Variants in ZDHHC20 observed in about 807,000 individuals in gnomAD.
ZDHHC20 encodes palmitoyltransferase ZDHHC20.
ZDHHC20 carries 43 observed loss-of-function variants against 57.8 expected under a neutral mutation model. That is an observed-to-expected ratio of 0.74 (90% CI 0.58 to 0.96). ZDHHC20 has a LOEUF of 0.96. ZDHHC20 is among the 40% of genes least tolerant of loss of function. ZDHHC20 has a pLI of 0.00. For missense variants in ZDHHC20, 391 were observed against 441.1 expected (o/e 0.89, Z 1.02); for synonymous variants, 157 against 153.0 (o/e 1.03, Z -0.19).
chr13:21,382,834 G>T, intron 10 of ZDHHC20, 86 bp downstream of exon 10: 1 of 1,115,806 alleles, frequency 9.0e-7, no homozygotes, highest in Non-Finnish European at 1.3e-6. Flanking sequence ...AATCACTACT[G>T]TATTTACTCA....
intron 12 of ZDHHC20, 100 bp from the exon 13 acceptor site, chr13:21,376,755 T>C (rs1356343434): frequency 6.0e-6 from 4 of 672,100 alleles, no homozygotes; most frequent in East Asian, 3.3e-5. Flanking sequence ...GCTACTAATA[T>C]AACAAGATGG....
intron 3 of ZDHHC20, among the ~76,000 whole-genome samples, chr13:21,418,416 T>C (rs759475909): frequency 4.6e-5 from 7 of 152,204 alleles, no homozygotes; most frequent in Non-Finnish European, 1.0e-4. Flanking sequence ...ATGGTACTTA[T>C]TAGGTGCTAA....
chr13:21,395,636 G>A (rs1876659284), intron 7 of ZDHHC20, among the ~76,000 whole-genome samples: 2 of 151,410 alleles, frequency 1.3e-5, no homozygotes, highest in African/African-American at 4.9e-5. Context: ...CAAGTAGCTG[G>A]GACTACAGGT....
intron 1 of ZDHHC20, among the ~76,000 whole-genome samples, chr13:21,444,128 C>G (rs773314788): frequency 6.6e-6 from 1 of 152,128 alleles, no homozygotes; most frequent in Non-Finnish European, 1.5e-5. Flanking sequence ...TGCACTCTAC[C>G]CTGGGCAACA....
chr13:21,428,876 A>G (rs7489440), intron 1 of ZDHHC20, among the ~76,000 whole-genome samples: 1 of 138,794 alleles, frequency 7.2e-6, no homozygotes, highest in African/African-American at 3.2e-5. Flanking sequence ...ACAAAATAAA[A>G]CAAAACAAAA....
At chr13:21,420,954 G>A in intron 3 of ZDHHC20, 107 bp downstream of exon 3, 1 of 839,944 alleles carries the variant, frequency 1.2e-6, no homozygotes, top group Non-Finnish European at 1.9e-6. Flanking sequence ...TTTTATGAAT[G>A]GAAACAGAAC....
intron 1 of ZDHHC20, among the ~76,000 whole-genome samples, chr13:21,440,386 G>A (rs1883017635): frequency 6.6e-6 from 1 of 152,058 alleles, no homozygotes; most frequent in African/African-American, 2.4e-5. Flanking sequence ...CGAGGCGGGT[G>A]GATCACCTGA....
rs767694935 is a variant in ZDHHC20 at position 21,459,192 on chromosome 13, G to A, written c.-21C>T. ...GCCATGTTCCGCTGGCGGCTGCCGA[G>A]CCCCGCGTCCCACCGTTCTGGGGAG... is the stretch of plus-strand genomic sequence containing the variant. On this transcript the variant is annotated 5_prime_UTR_variant, in exon 1 of 13. Coordinates refer to ENST00000400590, the MANE Select transcript of ZDHHC20 (RefSeq NM_001330059.2). 6.3e-6 allele frequency: 10 copies of A among 1,583,480 alleles called. No homozygotes were observed. In the South Asian group the frequency reaches 9.1e-5, roughly 14 times the overall value.
rs1473961678 is a variant in ZDHHC20 at position 21,375,224 on chromosome 13, T to C, written c.*1472A>G. On this transcript the variant is annotated 3_prime_UTR_variant, in exon 13 of 13. Transcript: ENST00000400590. ...GTTAGAAGTCATCCAGTCCAACTTA[T>C]TCACAACACCCCCTCCCCTGCAGTC... 1 of 455,006 alleles carries C rather than the reference T, an allele frequency of 2.2e-6. No homozygotes were observed. The highest frequency in any genetic ancestry group is 4.4e-6 in the Non-Finnish European group (1 of 226,224). The allele number at this position is 455,006 out of a possible 1,614,324, so 28.2% of individuals were successfully genotyped here.
At chr13:21,440,535 C>T (rs562474604) in intron 1 of ZDHHC20, among the ~76,000 whole-genome samples, 9 of 152,084 alleles carry the variant, frequency 5.9e-5, no homozygotes, top group East Asian at 5.8e-4. Flanking sequence ...CACTTCAATC[C>T]GGGAGGCTGA....
At chr13:21,392,514 G>A (rs911705674) in intron 7 of ZDHHC20, among the ~76,000 whole-genome samples, 1 of 152,094 alleles carries the variant, frequency 6.6e-6, no homozygotes, top group African/African-American at 2.4e-5. Context: ...CAGAGCCTTT[G>A]TGCATAGTTA....
At chr13:21,392,189 C>G (rs1386239775) in intron 7 of ZDHHC20, among the ~76,000 whole-genome samples, 1 of 137,028 alleles carries the variant, frequency 7.3e-6, no homozygotes. Flanking sequence ...CCATCCTGGG[C>G]AACACAGTGA....
intron 1 of ZDHHC20, among the ~76,000 whole-genome samples, chr13:21,441,682 A>G (rs926855658): frequency 6.7e-5 from 10 of 149,042 alleles, no homozygotes; most frequent in South Asian, 2.1e-4. Flanking sequence ...GGATACAGGC[A>G]TGAGCCACCA....
At chr13:21,385,159 T>TG (rs1874232165) in intron 9 of ZDHHC20, among the ~76,000 whole-genome samples, 2 of 152,140 alleles carry the variant, frequency 1.3e-5, no homozygotes, top group African/African-American at 4.8e-5. Flanking sequence ...CCAGGCACGG[T>TG]GGTTCATGCC....
intron 9 of ZDHHC20, among the ~76,000 whole-genome samples, chr13:21,384,832 T>C (rs762213970): frequency 2.6e-4 from 40 of 151,988 alleles, no homozygotes; most frequent in Non-Finnish European, 4.0e-4. Flanking sequence ...CCAAGTGCAG[T>C]AGTAATGCCT....
At chr13:21,421,862 A>G (rs567064591) in intron 2 of ZDHHC20, among the ~76,000 whole-genome samples, 3 of 152,316 alleles carry the variant, frequency 2.0e-5, no homozygotes, top group Admixed American at 2.0e-4. Flanking sequence ...ATGCAGCACC[A>G]TAAACCCACT....
At chr13:21,376,692 A>AT in intron 12 of ZDHHC20, 37 bp from the exon 13 acceptor site, 2 of 1,315,296 alleles carry the variant, frequency 1.5e-6, no homozygotes, top group Non-Finnish European at 2.1e-6. Context: ...TTAAAACTTG[A>AT]TTTTTTATTT....
intron 3 of ZDHHC20, among the ~76,000 whole-genome samples, chr13:21,415,222 C>T (rs1879800327): frequency 6.6e-6 from 1 of 152,206 alleles, no homozygotes; most frequent in South Asian, 2.1e-4. Context: ...GATTGCAGAA[C>T]TACTGGCAGA....
intron 9 of ZDHHC20, among the ~76,000 whole-genome samples, chr13:21,385,428 CTAAA>C (rs917490478): frequency 6.6e-6 from 1 of 152,018 alleles, no homozygotes; most frequent in African/African-American, 2.4e-5. Flanking sequence ...GACTCTGTCT[CTAAA>C]TAAATAAATA....
Sources: allele counts gnomAD v4.1 joint callset (sites outside exome capture counted in the v4.1 genomes callset), GRCh38; gene constraint gnomAD v4.1.1; transcripts MANE v1.5; gene names NCBI Gene and HGNC (gene_info 2026-07-23, HGNC 2026-07-21).